The following RB1 variants were observed in gnomAD, a reference collection of about 807,000 sequenced individuals.
RB1 encodes the protein RB transcriptional corepressor 1.
RB1 carries 18 observed loss-of-function variants against 135.4 expected under a neutral mutation model. The ratio of observed to expected loss-of-function variants is 0.13; its 90% CI spans 0.09 to 0.20. The LOEUF (loss-of-function observed/expected upper bound fraction) is 0.20. RB1 is among the 10% of genes least tolerant of loss of function. The pLI, the probability that RB1 is intolerant of heterozygous loss-of-function variation, is 1.00. For synonymous variants in RB1, 365 were observed against 373.2 expected, an observed-to-expected ratio of 0.98 and a Z score of 0.25; for missense variants, 868 against 1,110.0, an observed-to-expected ratio of 0.78 and a Z score of 3.10.
At chr13:48,316,793 G>T (rs933292409) in intron 2 of RB1, 1 of 156,136 alleles carries the variant, frequency 6.4e-6, no homozygotes. Context: ...ACGGATACAC[G>T]CACAGATACG....
intron 17 of RB1, among the ~76,000 whole-genome samples, chr13:48,389,313 T>TG (rs1465933260): frequency 2.6e-5 from 4 of 151,866 alleles, no homozygotes; most frequent in Non-Finnish European, 5.9e-5. Flanking sequence ...CTGGTGACAG[T>TG]GACAAGGACT....
intron 17 of RB1, chr13:48,411,305 G>A: frequency 8.9e-7 from 1 of 1,123,168 alleles, no homozygotes; most frequent in Non-Finnish European, 1.3e-6. Flanking sequence ...TTTTGGAGGT[G>A]GAAAAATAGT....
chr13:48,360,995 A>G (rs902354380), intron 7 of RB1, among the ~76,000 whole-genome samples: 1 of 152,176 alleles, frequency 6.6e-6, no homozygotes. Context: ...AAAATTAAGT[A>G]TGGAGCAGAA....
At chr13:48,312,295 T>A (rs906328766) in intron 2 of RB1, among the ~76,000 whole-genome samples, 4 of 152,198 alleles carry the variant, frequency 2.6e-5, no homozygotes, top group Non-Finnish European at 5.9e-5. Flanking sequence ...TTTTTACTTT[T>A]GTTAGGGTTC....
intron 16 of RB1, among the ~76,000 whole-genome samples, chr13:48,380,669 A>G (rs1948528199): frequency 6.6e-6 from 1 of 152,214 alleles, no homozygotes; most frequent in Non-Finnish European, 1.5e-5. Flanking sequence ...CAATGTTTTT[A>G]AAAACATAAA....
At chr13:48,391,371 A>G (rs1948609319) in intron 17 of RB1, 1 of 152,202 alleles carries the variant, frequency 6.6e-6, no homozygotes, top group South Asian at 2.1e-4. Context: ...CAAGAGAAAA[A>G]AGATGTTTTT....
intron 18 of RB1, 126 bp from the exon 19 acceptor site, chr13:48,456,078 T>G: frequency 6.8e-7 from 1 of 1,481,356 alleles, no homozygotes; most frequent in Non-Finnish European, 9.0e-7. Flanking sequence ...AGCTTGCATT[T>G]AAATAGTCTG....
At chr13:48,474,643 A>G (rs1436036541) in intron 24 of RB1, among the ~76,000 whole-genome samples, 1 of 151,922 alleles carries the variant, frequency 6.6e-6, no homozygotes, top group Admixed American at 6.6e-5. Context: ...CCTTCCTCTC[A>G]GACTTCTAGG....
chr13:48,338,493 C>T (rs1342099160), intron 2 of RB1, among the ~76,000 whole-genome samples: 3 of 152,236 alleles, frequency 2.0e-5, no homozygotes, highest in Non-Finnish European at 4.4e-5. Context: ...CTTGTGCATT[C>T]ATCACGTAGT....
intron 16 of RB1, 81 bp downstream of exon 16, chr13:48,380,322 G>A: frequency 9.6e-7 from 1 of 1,036,384 alleles, no homozygotes; most frequent in Non-Finnish European, 1.5e-6. Context: ...GGGGGAGAGG[G>A]ATAGTGTGAG....
At chr13:48,432,428 T>G (rs557492769) in intron 17 of RB1, among the ~76,000 whole-genome samples, 14 of 138,426 alleles carry the variant, frequency 1.0e-4, no homozygotes, top group Middle Eastern at 3.6e-3. Flanking sequence ...TGTTTTTTTG[T>G]TTTTTTTTTT....
chr13:48,318,751 C>A, intron 2 of RB1: 1 of 668,196 alleles, frequency 1.5e-6, no homozygotes. Context: ...GAGAGGGGGG[C>A]CTTGGGGCCA....
At chr13:48,332,005 G>C (rs932525010) in intron 2 of RB1, among the ~76,000 whole-genome samples, 1 of 152,150 alleles carries the variant, frequency 6.6e-6, no homozygotes, top group African/African-American at 2.4e-5. Flanking sequence ...TTGAACCATT[G>C]TAAGTCAAGG....
chr13:48,306,052 A>G (rs1952077864), intron 1 of RB1, among the ~76,000 whole-genome samples: 1 of 151,620 alleles, frequency 6.6e-6, no homozygotes, highest in Non-Finnish European at 1.5e-5. Context: ...GGAGGATCAC[A>G]TGAGCTTGGG....
At chr13:48,440,662 C>T (rs1255519198) in intron 17 of RB1, among the ~76,000 whole-genome samples, 1 of 152,070 alleles carries the variant, frequency 6.6e-6, no homozygotes, top group Admixed American at 6.5e-5. Context: ...TTTGTTTTAA[C>T]CAAGAAGAAC....
At chr13:48,353,585 T>G (rs1368209890) in intron 6 of RB1, among the ~76,000 whole-genome samples, 1 of 152,046 alleles carries the variant, frequency 6.6e-6, no homozygotes, top group African/African-American at 2.4e-5. Flanking sequence ...ACTTCTAAAC[T>G]CATTCTACAA....
At chr13:48,381,059 A>AT (rs1948531093) in intron 16 of RB1, among the ~76,000 whole-genome samples, 188 bp from the exon 17 acceptor site, 1 of 152,116 alleles carries the variant, frequency 6.6e-6, no homozygotes, top group Non-Finnish European at 1.5e-5. Flanking sequence ...AAAAACACAG[A>AT]TTTGCTTACA....
At chr13:48,359,945 T>C (rs576181528) in intron 6 of RB1, 72 bp from the exon 7 acceptor site, 307 of 1,585,968 alleles carry the variant, frequency 1.9e-4, no homozygotes, top group Non-Finnish European at 2.5e-4. Flanking sequence ...GGATATACTC[T>C]ACCCTGCGAT....
chr13:48,401,107 G>C (rs1948687887), intron 17 of RB1, among the ~76,000 whole-genome samples: 1 of 152,050 alleles, frequency 6.6e-6, no homozygotes, highest in Non-Finnish European at 1.5e-5. Flanking sequence ...CCCTGAGGGT[G>C]GTGTTAGTTC....
Sources: gnomAD v4.1 joint callset for allele counts (sites outside exome capture counted in the v4.1 genomes callset) on GRCh38, gnomAD v4.1.1 for gene constraint, MANE v1.5 for transcripts, NCBI Gene and HGNC (gene_info 2026-07-23, HGNC 2026-07-21) for gene names.